ADAMTS15: variants seen among roughly 807,000 people sequenced by gnomAD.
The protein encoded by ADAMTS15 is A disintegrin and metalloproteinase with thrombospondin motifs 15.
ADAMTS15 carries 35 observed loss-of-function variants against 79.1 expected under a neutral mutation model. The ratio of observed to expected loss-of-function variants is 0.44; its 90% CI spans 0.34 to 0.59. The LOEUF is 0.59. ADAMTS15 is among the 20% of genes least tolerant of loss of function. The pLI, the probability that ADAMTS15 is intolerant of heterozygous loss-of-function variation, is 0.02. For missense variants in ADAMTS15, 1,324 were observed against 1,318.7 expected, an observed-to-expected ratio of 1.00 and a Z score of -0.06; for synonymous variants, 616 against 567.3, an observed-to-expected ratio of 1.09 and a Z score of -1.22.
In ADAMTS15 at chr11:130,471,263, A is replaced by G. The variant is rs760277723; in HGVS notation, c.1958A>G (p.Lys653Arg). The G allele has an allele frequency of 6.2e-7, 1 of 1,612,724 alleles. No individual in the cohort carries two copies. Among genetic ancestry groups the G allele is most frequent in the Admixed American group, 1.7e-5 (1 of 59,606 alleles). ...TCCACCTCCGTCTGTGTCCAAGGCA[A>G]GTGCATCAAGGCTGGCTGTGATGGG... is the stretch of plus-strand genomic sequence containing the variant. ...PDSTSVCVQG[K>R]CIKAGCDGNL... The change falls in exon 7 of 8, where the codon AAG becomes AGG. Residue 653 changes from lysine (K) to arginine (R), a missense_variant. By Grantham distance (26) the Lys-to-Arg change is conservative. Coordinates refer to ENST00000299164, the MANE Select transcript of ADAMTS15 (RefSeq NM_139055.4).
At chr11:130,457,334 G>A (rs1170660343) in intron 1 of ADAMTS15, among the ~76,000 whole-genome samples, 1 of 152,142 alleles carries the variant, frequency 6.6e-6, no homozygotes, top group African/African-American at 2.4e-5. Flanking sequence ...GAAATGAGAA[G>A]AGGTAGGAAG....
chr11:130,464,324 C>T (rs1025275629), intron 4 of ADAMTS15, among the ~76,000 whole-genome samples: 3 of 152,222 alleles, frequency 2.0e-5, no homozygotes, highest in African/African-American at 7.2e-5. Context: ...CCTCCTCAAC[C>T]TCTTTTCTAA....
At chr11:130,471,512 A>G in intron 7 of ADAMTS15, 129 bp downstream of exon 7, 1 of 981,754 alleles carries the variant, frequency 1.0e-6, no homozygotes, top group Non-Finnish European at 1.4e-6. Flanking sequence ...TGCAGAGGCC[A>G]CCCATACCCT....
chr11:130,455,256 A>G (rs886688821), intron 1 of ADAMTS15, among the ~76,000 whole-genome samples: 1 of 152,198 alleles, frequency 6.6e-6, no homozygotes, highest in Non-Finnish European at 1.5e-5. Context: ...GTCACTCAGT[A>G]CATGCTTCTT....
chr11:130,449,909 T>G lies in ADAMTS15; in HGVS notation c.936T>G (p.Thr312=). Residue 312 remains threonine (T), a synonymous_variant, in exon 1 of 8, where the codon ACT becomes ACG. Transcript: ENST00000299164. This position sits in a 1 kb window ranked among gnomAD's most constrained non-coding sequence, Gnocchi z 7.8. ...VSDKHPEYWD[T]AILFTRQDLC... ...ACAAGCACCCCGAGTACTGGGACAC[T>G]GCCATCCTCTTCACCAGGCAGGTGA... 1.9e-6 allele frequency: 3 copies of G among 1,599,644 alleles called. No individual in the cohort carries two copies. The highest frequency in any genetic ancestry group is 2.5e-6 in the Non-Finnish European group (3 of 1,179,572).
At chr11:130,468,291 C>T (rs887820948) in intron 4 of ADAMTS15, among the ~76,000 whole-genome samples, 8 of 152,156 alleles carry the variant, frequency 5.3e-5, no homozygotes, top group African/African-American at 7.2e-5. Context: ...AGGGTTTGCC[C>T]GTTGCTCAAG....
chr11:130,467,543 T>A (rs1415796116), intron 4 of ADAMTS15, among the ~76,000 whole-genome samples: 3 of 152,176 alleles, frequency 2.0e-5, no homozygotes, highest in Admixed American at 6.5e-5. Flanking sequence ...GGTTAAAGTG[T>A]TTCCATCACA....
At chr11:130,455,093 A>G (rs1272244209) in intron 1 of ADAMTS15, among the ~76,000 whole-genome samples, 1 of 152,146 alleles carries the variant, frequency 6.6e-6, no homozygotes, top group Non-Finnish European at 1.5e-5. Context: ...TGAGTCAGCT[A>G]TGTGCACTTA....
chr11:130,450,131 C>A lies in ADAMTS15; in HGVS notation c.957+201C>A, dbSNP rs1055843719. 23 of 985,374 alleles carry A rather than the reference C, an allele frequency of 2.3e-5. No individual in the cohort carries two copies. In the African/African-American group the frequency reaches 3.8e-4, roughly 16 times the overall value. The allele number at this position is 985,374 out of a possible 1,614,324, so 61.0% of individuals were successfully genotyped here. On this transcript the variant is annotated intron_variant, in intron 1 of 7. Transcript: ENST00000299164. ...AGCGGCGGCTCACGTGCATCTGGGC[C>A]ATTGGAGGAGAGCCTGCGCTTTCCG...
In ADAMTS15 at chr11:130,476,023, C is replaced by T. The variant is rs181904660; in HGVS notation, c.*2202C>T. ...CTCTGGCTCCTGACACAAGCCAGGC[C>T]TCGGTGCTTTTATCTGTTGTGGTGG... On this transcript the variant is annotated 3_prime_UTR_variant, in exon 8 of 8. Coordinates refer to ENST00000299164, the MANE Select transcript of ADAMTS15 (RefSeq NM_139055.4). The T allele has an allele frequency of 6.6e-6, 1 of 152,354 alleles. No homozygotes were observed. The highest frequency in any genetic ancestry group is 2.4e-5 in the African/African-American group (1 of 41,570). The allele number at this position is 152,354 out of a possible 1,614,324, so 9.4% of individuals were successfully genotyped here.
chr11:130,467,769 TA>T lies in ADAMTS15; in HGVS notation c.1543-1483del, dbSNP rs201768863. Reference sequence around the variant, plus strand: ...CTCTTTCTACCCTGTTTAAAAAAACTAAAAAAAAAACCTAAAAAAAAAAAAA... The same window carrying T: ...CTCTTTCTACCCTGTTTAAAAAAACTAAAAAAAAACCTAAAAAAAAAAAAA... On this transcript the variant is annotated intron_variant, in intron 4 of 7. Transcript: ENST00000299164. Among the ~76,000 whole-genome samples the T allele has an allele frequency of 4.3e-4, 53 of 124,632 alleles. 2 individuals carry two copies. The highest frequency in any genetic ancestry group is 1.3e-3 in the African/African-American group (44 of 32,678). The allele number at this position is 124,632 out of a possible 152,430, so 81.8% of individuals were successfully genotyped here.
Position 130,475,769 on chromosome 11 carries a change from C to G in ADAMTS15, c.*1948C>G. 6.6e-6 allele frequency: 1 copy of G among 152,408 alleles called. No homozygotes were observed. Among genetic ancestry groups the G allele is most frequent in the Non-Finnish European group, 1.5e-5 (1 of 68,148 alleles). The allele number at this position is 152,408 out of a possible 1,614,324, so 9.4% of individuals were successfully genotyped here. On this transcript the variant is annotated 3_prime_UTR_variant, in exon 8 of 8. Transcript: ENST00000299164. The stretch of plus-strand genomic sequence containing the variant: ...TGTGGGGCTAAAGGGACAAAAAGGA[C>G]CAGGGTACCAGGCAGAAGCAGATCC...
In ADAMTS15 at chr11:130,449,675, C is replaced by T. The variant is rs1356499684; in HGVS notation, c.702C>T (p.His234=). ...VVADESMVKF[H]GADLEHYLLT... ...CGGACGAGTCAATGGTCAAGTTCCA[C>T]GGCGCGGACCTGGAACATTATCTGC... The change falls in exon 1 of 8, where the codon CAC becomes CAT. Residue 234 remains histidine, a synonymous_variant. Transcript: ENST00000299164. The surrounding 1 kb of genome is among the most constrained non-coding windows in gnomAD (Gnocchi z 7.8). 1.9e-6 allele frequency: 3 copies of T among 1,601,988 alleles called. No individual in the cohort carries two copies. The highest frequency in any genetic ancestry group is 1.1e-5 in the South Asian group (1 of 89,474).
chr11:130,454,266 A>G (rs564313283), intron 1 of ADAMTS15, among the ~76,000 whole-genome samples: 2 of 151,884 alleles, frequency 1.3e-5, no homozygotes, highest in Admixed American at 6.5e-5. Context: ...CTTCCCCCTT[A>G]TTCTCTTCAT....
chr11:130,471,016 A>G lies in ADAMTS15; in HGVS notation c.1817A>G (p.Lys606Arg). 1.2e-6 allele frequency: 2 copies of G among 1,613,834 alleles called. No homozygotes were observed. The highest frequency in any genetic ancestry group is 1.7e-5 in the Admixed American group (1 of 60,032). Residue 606 changes from lysine to arginine, a missense_variant, in exon 6 of 8, where the codon AAG (lysine) becomes AGG (arginine). Transcript: ENST00000299164. ...ACTCTCGCCGTGGCATGGGTGCCCA[A>G]GTACTCCGGCGTGTCTCCCCGGGAC... ...RLTLAVAWVP[K>R]YSGVSPRDKC...
In ADAMTS15 at chr11:130,462,019, C is replaced by A; in HGVS notation, c.1091-68C>A. On this transcript the variant is annotated intron_variant, in intron 2 of 7. Coordinates refer to ENST00000299164, the MANE Select transcript of ADAMTS15 (RefSeq NM_139055.4). The surrounding 1 kb of genome is among the most constrained non-coding windows in gnomAD (Gnocchi z 4.3). ...TGACATGGGCTTTCTAGTTCCCCTG[C>A]CCCATTCCTCCCTCCAACCCCCATG... The A allele has an allele frequency of 1.5e-6, 2 of 1,357,776 alleles. No individual in the cohort carries two copies. Among genetic ancestry groups the A allele is most frequent in the Non-Finnish European group, 2.1e-6 (2 of 967,130 alleles). The allele number at this position is 1,357,776 out of a possible 1,614,324, so 84.1% of individuals were successfully genotyped here. A position where few individuals can be genotyped will look rare whatever the true frequency, so the allele number is the denominator to read the frequency against.
At chr11:130,450,301 A>C in intron 1 of ADAMTS15, 1 of 985,464 alleles carries the variant, frequency 1.0e-6, no homozygotes, top group Non-Finnish European at 1.2e-6. Flanking sequence ...GAGGGCGGGA[A>C]CGGCCCACCC....
intron 4 of ADAMTS15, among the ~76,000 whole-genome samples, chr11:130,468,317 T>C (rs981873686): frequency 4.6e-5 from 7 of 152,148 alleles, no homozygotes; most frequent in African/African-American, 1.7e-4. Flanking sequence ...TAGGGTGCTG[T>C]GGTGTGGGCA....
intron 4 of ADAMTS15, among the ~76,000 whole-genome samples, chr11:130,463,437 A>G (rs953141565): frequency 9.2e-5 from 14 of 152,184 alleles, no homozygotes; most frequent in African/African-American, 3.4e-4. Flanking sequence ...TATCTTGTTC[A>G]GGTCTTGTTT....
Sources: gnomAD v4.1 joint callset for allele counts (sites outside exome capture counted in the v4.1 genomes callset) on GRCh38, gnomAD v4.1.1 for gene constraint, Gnocchi (gnomAD v3.1) non-coding constraint, MANE v1.5 for transcripts, NCBI Gene and HGNC (gene_info 2026-07-23, HGNC 2026-07-21) for gene names.